Variants in TBCD observed in about 807,000 individuals in gnomAD.
TBCD encodes tubulin-specific chaperone D.
A neutral mutation model predicts 169.3 loss-of-function variants in TBCD; 105 were observed. The observed-to-expected ratio is 0.62, with a 90% confidence interval of 0.53 to 0.73. The LOEUF is 0.73. Among genes scored for constraint, TBCD ranks in the 30% least tolerant of loss-of-function variants. The pLI, the probability that TBCD is intolerant of heterozygous loss-of-function variation, is 0.00. For synonymous variants in TBCD, 700 were observed against 643.9 expected (o/e 1.09, Z -1.32); for missense variants, 1,444 against 1,600.1 (o/e 0.90, Z 1.66).
At chr17:82,896,080 G>A (rs11656358) in intron 17 of TBCD, 42,192 of 152,078 alleles carry the variant, frequency 0.28, 6,337 homozygotes, top group Admixed American at 0.35. Flanking sequence ...TTTCCCATTC[G>A]GGGTCCCTCC....
intron 6 of TBCD, among the ~76,000 whole-genome samples, chr17:82,779,103 C>A (rs563490780): frequency 6.7e-6 from 1 of 150,342 alleles, no homozygotes; most frequent in Non-Finnish European, 1.5e-5. Flanking sequence ...CCTCCGCCTC[C>A]TGAGTTCAAG....
intron 13 of TBCD, among the ~76,000 whole-genome samples, chr17:82,819,149 C>T (rs1398814711): frequency 1.3e-5 from 2 of 152,154 alleles, no homozygotes; most frequent in African/African-American, 4.8e-5. Context: ...ATGACTAAAG[C>T]TTTTGTTTGT....
At position 82,871,225 on chromosome 17, in the gene TBCD, C is replaced by T. The variant is rs929097457; in HGVS notation, c.1475+845C>T. Among the ~76,000 whole-genome samples, 34 of 3,726 alleles carry T rather than the reference C, an allele frequency of 9.1e-3. 1 individual carries two copies. Among genetic ancestry groups the T allele is most frequent in the Non-Finnish European group, 2.9e-3 (3 of 1,048 alleles). 2.4% of individuals were successfully genotyped at this position (3,726 alleles called of 152,430 possible). The stretch of plus-strand genomic sequence containing the variant: ...GATCTGATACTTTTTGCTTAGGAAA[C>T]ATGCAAAACATGTGTCCCCAGCGCA... On this transcript the variant is annotated intron_variant, in intron 14 of 38. Coordinates refer to ENST00000355528, the MANE Select transcript of TBCD (RefSeq NM_005993.5).
intron 7 of TBCD, among the ~76,000 whole-genome samples, chr17:82,784,915 T>C (rs904233395): frequency 5.9e-5 from 9 of 152,146 alleles, no homozygotes; most frequent in African/African-American, 1.9e-4. Context: ...CTAAGACCAC[T>C]GGACCCGACC....
chr17:82,869,306 G>A (rs1027815740), intron 13 of TBCD, among the ~76,000 whole-genome samples: 2 of 152,184 alleles, frequency 1.3e-5, no homozygotes, highest in African/African-American at 4.8e-5. Context: ...ATCCTCTCAT[G>A]TCTATGTAAA....
intron 14 of TBCD, among the ~76,000 whole-genome samples, chr17:82,872,952 C>T (rs2057703342): frequency 7.0e-6 from 1 of 143,272 alleles, no homozygotes; most frequent in African/African-American, 2.8e-5. Flanking sequence ...GGCCCGGCAC[C>T]TCGTGGCCGA....
At chr17:82,800,835 C>A in intron 8 of TBCD, 29 bp from the exon 9 acceptor site, 1 of 1,604,624 alleles carries the variant, frequency 6.2e-7, no homozygotes. Flanking sequence ...TGCAGCCCTT[C>A]CTGCGCTGAG....
chr17:82,799,200 T>G (rs2050317644), intron 8 of TBCD, among the ~76,000 whole-genome samples: 1 of 152,024 alleles, frequency 6.6e-6, no homozygotes, highest in African/African-American at 2.4e-5. Context: ...ATCCCAGCGC[T>G]TTGGGAGGCT....
At chr17:82,901,075 T>G (rs1256118808) in intron 18 of TBCD, among the ~76,000 whole-genome samples, 1 of 152,240 alleles carries the variant, frequency 6.6e-6, no homozygotes, top group Non-Finnish European at 1.5e-5. Flanking sequence ...TCCCGCTGAC[T>G]CTGCTCCATG....
At chr17:82,849,514 C>T (rs2145614747) in intron 13 of TBCD, among the ~76,000 whole-genome samples, 1 of 152,328 alleles carries the variant, frequency 6.6e-6, no homozygotes, top group East Asian at 1.9e-4. Context: ...TCTCCTTAAC[C>T]TGTTTTTTGA....
Position 82,876,541 on chromosome 17 carries a change from T to C in TBCD, c.1475+6161T>C, listed in dbSNP as rs529299623. 3.3e-5 allele frequency among the ~76,000 whole-genome samples: 5 copies of C among 151,722 alleles called. No homozygotes were observed. The South Asian group carries it at 1.0e-3, about 31-fold the overall frequency. On this transcript the variant is annotated intron_variant, in intron 14 of 38. Coordinates refer to ENST00000355528, the MANE Select transcript of TBCD (RefSeq NM_005993.5). ...TATTTAACTAGCATCATTAAACCTG[T>C]TTGTATTTATTTCTCGATGAGCCAG...
Position 82,880,205 on chromosome 17 carries a change from G to C in TBCD, c.1476-3940G>C, listed in dbSNP as rs991134982. ...TCTACTTATCAGTCTGTCTAGATGG[G>C]GTCTCGCTGTGTTGCCCAGACTGTA... On this transcript the variant is annotated intron_variant, in intron 14 of 38. Transcript: ENST00000355528. The surrounding 1 kb of genome is among the most constrained non-coding windows in gnomAD (Gnocchi z 5.0). 6.6e-6 allele frequency among the ~76,000 whole-genome samples: 1 copy of C among 152,052 alleles called. No homozygotes were observed. Among genetic ancestry groups the C allele is most frequent in the African/African-American group, 2.4e-5 (1 of 41,378 alleles).
At chr17:82,926,739 C>G (rs1322335894) in intron 28 of TBCD, 3 of 569,772 alleles carry the variant, frequency 5.3e-6, no homozygotes, top group African/African-American at 3.8e-5. Context: ...GTGTCCTGGC[C>G]CAAGGTTGGC....
intron 17 of TBCD, among the ~76,000 whole-genome samples, chr17:82,899,361 T>TACGTCCTCAGC (rs1567989131): frequency 6.7e-6 from 1 of 149,612 alleles, no homozygotes; most frequent in Non-Finnish European, 1.5e-5. Flanking sequence ...GTGTCCGCAG[T>TACGTCCTCAGC]GCGTCCTCAG....
intron 13 of TBCD, among the ~76,000 whole-genome samples, chr17:82,816,700 ATT>A (rs149333417): frequency 6.7e-6 from 1 of 148,662 alleles, no homozygotes; most frequent in African/African-American, 2.5e-5. Context: ...TGCCACATTA[ATT>A]TTTTTTTTTA....
rs116592198 is a variant in TBCD at position 82,825,983 on chromosome 17, C to T, written c.1318+11049C>T. Among the ~76,000 whole-genome samples, 1,331 of 152,336 alleles carry T rather than the reference C, an allele frequency of 8.7e-3. 16 individuals carry two copies. The highest frequency in any genetic ancestry group is 0.031 in the African/African-American group (1,288 of 41,588). The stretch of plus-strand genomic sequence containing the variant: ...CCTGTCTAAAAAACAATTTCATAGG[C>T]AAGTTTTTCTCTCACAGAAATTTTA... On this transcript the variant is annotated intron_variant, in intron 13 of 38. Coordinates refer to ENST00000355528, the MANE Select transcript of TBCD (RefSeq NM_005993.5).
In TBCD at chr17:82,944,150, A is replaced by C. The variant is rs2063511476; in HGVS notation, c.*1687A>C. 6.6e-6 allele frequency: 1 copy of C among 152,288 alleles called. No individual in the cohort carries two copies. The highest frequency in any genetic ancestry group is 1.5e-5 in the Non-Finnish European group (1 of 68,062). The allele number at this position is 152,288 out of a possible 1,614,324, so 9.4% of individuals were successfully genotyped here. On this transcript the variant is annotated 3_prime_UTR_variant, in exon 39 of 39. Transcript: ENST00000355528. ...AGATAAATGGCATTTTAAGACATGG[A>C]GGCAGGTCGATTACCCACCCAGACC...
At chr17:82,931,198 C>T (rs1419741135) in intron 33 of TBCD, among the ~76,000 whole-genome samples, 1 of 152,210 alleles carries the variant, frequency 6.6e-6, no homozygotes, top group Non-Finnish European at 1.5e-5. Context: ...GCCTGGTGTC[C>T]CCTCGGGCGG....
chr17:82,841,965 T>G (rs2145470204), intron 13 of TBCD, among the ~76,000 whole-genome samples: 1 of 152,334 alleles, frequency 6.6e-6, no homozygotes, highest in South Asian at 2.1e-4. Context: ...GGCTCAGGAC[T>G]TCAAGAGAGC....
Sources: allele counts gnomAD v4.1 joint callset (sites outside exome capture counted in the v4.1 genomes callset), GRCh38; gene constraint gnomAD v4.1.1; non-coding constraint Gnocchi (gnomAD v3.1); transcripts MANE v1.5; gene names NCBI Gene and HGNC (gene_info 2026-07-23, HGNC 2026-07-21).